Variants in HCN1 observed in about 807,000 individuals in gnomAD.
The protein encoded by HCN1 is potassium/sodium hyperpolarization-activated cyclic nucleotide-gated channel 1.
HCN1 carries 13 observed loss-of-function variants against 78.9 expected under a neutral mutation model. That is an observed-to-expected ratio of 0.16 (90% CI 0.11 to 0.26). The LOEUF (loss-of-function observed/expected upper bound fraction) is 0.26. HCN1 is among the 10% of genes least tolerant of loss of function. The pLI, the probability that HCN1 is intolerant of heterozygous loss-of-function variation, is 1.00. For missense variants in HCN1, 810 were observed against 1,154.3 expected, an observed-to-expected ratio of 0.70 and a Z score of 4.32; for synonymous variants, 552 against 455.5, an observed-to-expected ratio of 1.21 and a Z score of -2.70.
At chr5:45,538,618 C>T (rs1743020817) in intron 2 of HCN1, among the ~76,000 whole-genome samples, 2 of 152,060 alleles carry the variant, frequency 1.3e-5, no homozygotes, top group Admixed American at 6.6e-5. Context: ...AGTTTATTTA[C>T]TTCATTTGCA....
rs545206770 is a variant in HCN1, at chr5:45,633,661, T to A, written c.849+11524A>T. ...ATATCAGATAGCACAGCTCAGCATA[T>A]GATATACATATGGCCAATTAATATA... On this transcript the variant is annotated intron_variant, in intron 2 of 7. Transcript: ENST00000303230. Among the ~76,000 whole-genome samples, 133 of 152,128 alleles carry A rather than the reference T, an allele frequency of 8.7e-4. 1 individual carries two copies. The highest frequency in any genetic ancestry group is 2.8e-3 in the African/African-American group (117 of 41,564).
intron 1 of HCN1, among the ~76,000 whole-genome samples, chr5:45,673,193 C>T (rs566428596): frequency 5.5e-4 from 83 of 151,474 alleles, no homozygotes; most frequent in African/African-American, 1.7e-3. Context: ...TGGTGTTTTT[C>T]TCATGATTAG....
At chr5:45,447,424 A>T (rs1241694606) in intron 3 of HCN1, among the ~76,000 whole-genome samples, 1 of 152,106 alleles carries the variant, frequency 6.6e-6, no homozygotes, top group African/African-American at 2.4e-5. Context: ...CAAAGTTTTT[A>T]TAGAGACAAG....
chr5:45,433,033 A>C (rs1435991974), intron 3 of HCN1, among the ~76,000 whole-genome samples: 2 of 152,086 alleles, frequency 1.3e-5, no homozygotes, highest in Non-Finnish European at 2.9e-5. Context: ...TATCATGAGA[A>C]CAGCACATGG....
intron 2 of HCN1, among the ~76,000 whole-genome samples, chr5:45,619,827 A>G (rs1443547255): frequency 6.6e-6 from 1 of 152,102 alleles, no homozygotes; most frequent in Non-Finnish European, 1.5e-5. Flanking sequence ...AAATTCTTTG[A>G]TATTCCTCTC....
At chr5:45,488,752 G>A (rs1579925293) in intron 2 of HCN1, among the ~76,000 whole-genome samples, 1 of 152,104 alleles carries the variant, frequency 6.6e-6, no homozygotes, top group African/African-American at 2.4e-5. Flanking sequence ...TTAACTATAT[G>A]ATAAATAATT....
intron 6 of HCN1, among the ~76,000 whole-genome samples, chr5:45,273,530 C>A (rs1485544848): frequency 6.6e-6 from 1 of 152,100 alleles, no homozygotes; most frequent in Non-Finnish European, 1.5e-5. Flanking sequence ...TAAAACTGAA[C>A]TTGACATTGC....
intron 2 of HCN1, among the ~76,000 whole-genome samples, chr5:45,595,147 T>G (rs2111953195): frequency 6.6e-6 from 1 of 152,250 alleles, no homozygotes; most frequent in Non-Finnish European, 1.5e-5. Flanking sequence ...ATATATACAG[T>G]GTATAAACTT....
intron 2 of HCN1, among the ~76,000 whole-genome samples, chr5:45,488,562 C>T (rs1741816343): frequency 6.6e-6 from 1 of 151,920 alleles, no homozygotes; most frequent in East Asian, 1.9e-4. Flanking sequence ...ACGGCATTTT[C>T]GTATTTTCAT....
chr5:45,372,836 G>C (rs866211335), intron 4 of HCN1, among the ~76,000 whole-genome samples: 2 of 138,582 alleles, frequency 1.4e-5, no homozygotes, highest in East Asian at 4.2e-4. Context: ...ATTCTATACA[G>C]AAAAATATGT....
intron 3 of HCN1, among the ~76,000 whole-genome samples, chr5:45,459,520 A>G (rs1344861596): frequency 2.0e-5 from 3 of 151,786 alleles, no homozygotes; most frequent in Non-Finnish European, 4.4e-5. Flanking sequence ...CTACACACAC[A>G]CACACCACAA....
At chr5:45,492,963 C>A (rs1461088301) in intron 2 of HCN1, among the ~76,000 whole-genome samples, 2 of 152,008 alleles carry the variant, frequency 1.3e-5, no homozygotes, top group African/African-American at 4.8e-5. Flanking sequence ...TTTAATATAA[C>A]TTTTAGTCCA....
chr5:45,348,577 G>A (rs1052808967), intron 5 of HCN1, among the ~76,000 whole-genome samples: 10 of 152,132 alleles, frequency 6.6e-5, no homozygotes, highest in Non-Finnish European at 1.0e-4. Context: ...CTGGCATATT[G>A]GATAAAGAGT....
intron 2 of HCN1, among the ~76,000 whole-genome samples, chr5:45,573,372 T>C (rs918600825): frequency 6.6e-5 from 10 of 152,102 alleles, no homozygotes; most frequent in South Asian, 2.1e-4. Context: ...CTGCATTTTC[T>C]GCTACCAAAA....
intron 3 of HCN1, among the ~76,000 whole-genome samples, chr5:45,454,357 C>A (rs1468969637): frequency 1.3e-5 from 2 of 151,844 alleles, no homozygotes; most frequent in Non-Finnish European, 2.9e-5. Context: ...AAAGGAGAAT[C>A]GCAACACTCA....
At chr5:45,597,758 T>A (rs1485217222) in intron 2 of HCN1, among the ~76,000 whole-genome samples, 1 of 152,130 alleles carries the variant, frequency 6.6e-6, no homozygotes, top group Non-Finnish European at 1.5e-5. Flanking sequence ...AACACAAGCA[T>A]TACTATACAG....
intron 2 of HCN1, among the ~76,000 whole-genome samples, chr5:45,561,972 T>C (rs1743613726): frequency 6.6e-6 from 1 of 152,148 alleles, no homozygotes; most frequent in Admixed American, 6.6e-5. Context: ...TTTTATTCTT[T>C]ATAATAAAAC....
intron 2 of HCN1, among the ~76,000 whole-genome samples, chr5:45,630,812 G>GC (rs1554036612): frequency 6.6e-6 from 1 of 151,414 alleles, no homozygotes; most frequent in Non-Finnish European, 1.5e-5. Flanking sequence ...AAAGAGAACT[G>GC]TTTTTTTTAA....
chr5:45,584,889 C>T (rs1358412545), intron 2 of HCN1, among the ~76,000 whole-genome samples: 8 of 152,168 alleles, frequency 5.3e-5, no homozygotes, highest in Admixed American at 5.2e-4. Context: ...GAGTTTCTGC[C>T]AAGAGATCAG....
Sources: gnomAD v4.1 joint callset for allele counts (sites outside exome capture counted in the v4.1 genomes callset) on GRCh38, gnomAD v4.1.1 for gene constraint, MANE v1.5 for transcripts, NCBI Gene and HGNC (gene_info 2026-07-23, HGNC 2026-07-21) for gene names.